TPTE2: variants seen among roughly 807,000 people sequenced by gnomAD.
The protein encoded by TPTE2 is transmembrane phosphoinositide 3-phosphatase and tensin homolog 2, also known as phosphatidylinositol 3,4,5-trisphosphate 3-phosphatase TPTE2.
Under a neutral mutation model 78.6 loss-of-function variants are expected in TPTE2, and 53 were observed. The observed-to-expected ratio is 0.67, with a 90% CI of 0.54 to 0.85. TPTE2 has a LOEUF of 0.85. Ranked by LOEUF, TPTE2 falls within the 40% of genes least tolerant of loss-of-function variation. TPTE2 has a pLI of 0.00. For synonymous variants in TPTE2, 175 were observed against 206.2 expected, an observed-to-expected ratio of 0.85 and a Z score of 1.30; for missense variants, 461 against 623.0, an observed-to-expected ratio of 0.74 and a Z score of 2.77.
At chr13:19,512,596 T>TG (rs398021741) in intron 1 of TPTE2, among the ~76,000 whole-genome samples, 1 of 151,790 alleles carries the variant, frequency 6.6e-6, no homozygotes, top group Non-Finnish European at 1.5e-5. Context: ...TTTTTTTTTT[T>TG]GAGACAGAGT....
rs1426655782 is a variant in TPTE2 at position 19,474,012 on chromosome 13, A to G, written c.294T>C (p.Thr98=). The G allele has an allele frequency of 1.9e-6, 3 of 1,609,876 alleles. No homozygotes were observed. The African/African-American group carries it at 4.0e-5, about 22-fold the overall frequency. ...CCAAAGGAATATAAAGTTTGCTGTCAGTGAAAATTAGGTCGGCAAGGAGGA... is the reference window on the plus strand; with the variant it reads ...CCAAAGGAATATAAAGTTTGCTGTCGGTGAAAATTAGGTCGGCAAGGAGGA... The change falls in exon 6 of 20, where the codon ACT becomes ACC. Residue 98 remains threonine (T), a synonymous_variant. Transcript: ENST00000400230.
At chr13:19,434,695 T>C (rs911209203) in intron 15 of TPTE2, among the ~76,000 whole-genome samples, 22 of 152,080 alleles carry the variant, frequency 1.4e-4, no homozygotes, top group African/African-American at 5.3e-4. Context: ...GTAGTTAGAG[T>C]GTTCTTCTAA....
rs796940315 is a variant in TPTE2 at position 19,430,669 on chromosome 13, T to C, written c.1223-122A>G. ...ATCCAAGCTAACAACGTATCAATAG[T>C]TACTTATTTGGTCTTGCATGGATTT... On this transcript the variant is annotated intron_variant, in intron 16 of 19. Coordinates refer to ENST00000400230, the Ensembl canonical transcript of TPTE2. 1.1e-5 allele frequency: 7 copies of C among 658,634 alleles called. No individual in the cohort carries two copies. The African/African-American group carries it at 1.3e-4, about 12-fold the overall frequency. The allele number at this position is 658,634 out of a possible 1,614,324, so 40.8% of individuals were successfully genotyped here. A position where few individuals can be genotyped will look rare whatever the true frequency, so the allele number is the denominator to read the frequency against.
intron 1 of TPTE2, among the ~76,000 whole-genome samples, chr13:19,521,172 G>A (rs1432059901): frequency 6.6e-6 from 1 of 151,964 alleles, no homozygotes; most frequent in Non-Finnish European, 1.5e-5. Context: ...CAATTGTCTA[G>A]CTATTAATGA....
intron 1 of TPTE2, among the ~76,000 whole-genome samples, chr13:19,533,237 T>C (rs959206777): frequency 3.9e-5 from 6 of 152,222 alleles, no homozygotes; most frequent in African/African-American, 1.4e-4. Context: ...CCCAGAGTCC[T>C]GTCTTCCTAG....
chr13:19,475,885 T>C (rs1299770475), intron 4 of TPTE2, among the ~76,000 whole-genome samples: 1 of 152,208 alleles, frequency 6.6e-6, no homozygotes, highest in Non-Finnish European at 1.5e-5. Flanking sequence ...CCCAACTTTA[T>C]GGCAATACTA....
intron 6 of TPTE2, among the ~76,000 whole-genome samples, chr13:19,470,213 G>GT (rs1387692061): frequency 1.3e-5 from 2 of 152,096 alleles, no homozygotes; most frequent in African/African-American, 4.8e-5. Context: ...TCTATACCCA[G>GT]TTTTTTTAGG....
intron 6 of TPTE2, among the ~76,000 whole-genome samples, 166 bp from the exon 10 acceptor site, chr13:19,467,510 T>C (rs1203845337): frequency 6.6e-6 from 1 of 152,190 alleles, no homozygotes; most frequent in African/African-American, 2.4e-5. Flanking sequence ...ATAACATTCA[T>C]GGGAAGTTTT....
At chr13:19,455,993 C>G (rs1185939990) in intron 10 of TPTE2, among the ~76,000 whole-genome samples, 2 of 152,046 alleles carry the variant, frequency 1.3e-5, no homozygotes, top group African/African-American at 4.8e-5. Context: ...GCAAGGTTGC[C>G]TCCTCTTACC....
At chr13:19,557,700 A>G in the TPTE2 span, among the ~76,000 whole-genome samples, 30 of 152,264 alleles carry the variant, frequency 2.0e-4, no homozygotes, top group South Asian at 6.2e-4. Context: ...CCACATTCCT[A>G]AGCAGGATCC....
the TPTE2 span, among the ~76,000 whole-genome samples, chr13:19,551,202 C>T: frequency 1.3e-5 from 2 of 152,194 alleles, no homozygotes; most frequent in Non-Finnish European, 2.9e-5. Context: ...TTTTACCTTA[C>T]CCTGATACCT....
intron 3 of TPTE2, among the ~76,000 whole-genome samples, chr13:19,492,155 G>A (rs987073142): frequency 2.6e-5 from 4 of 152,056 alleles, no homozygotes; most frequent in Admixed American, 1.3e-4. Context: ...ACATGACTGG[G>A]AAAACCCTCC....
At chr13:19,511,002 A>G (rs1421627083) in intron 1 of TPTE2, among the ~76,000 whole-genome samples, 1 of 152,224 alleles carries the variant, frequency 6.6e-6, no homozygotes, top group Non-Finnish European at 1.5e-5. Flanking sequence ...TGTAGGAACC[A>G]TCATGCATTA....
chr13:19,519,973 T>G (rs1870050664), intron 1 of TPTE2, among the ~76,000 whole-genome samples: 1 of 149,506 alleles, frequency 6.7e-6, no homozygotes, highest in Admixed American at 6.7e-5. Context: ...GTCTTACATT[T>G]CTTTTGTTTT....
the TPTE2 span, among the ~76,000 whole-genome samples, chr13:19,542,059 G>C: frequency 1.3e-5 from 2 of 152,014 alleles, no homozygotes; most frequent in Non-Finnish European, 2.9e-5. Flanking sequence ...TGAGTAATTT[G>C]CCCATGAAAT....
At chr13:19,506,956 T>A (rs894036050), upstream of TPTE2, among the ~76,000 whole-genome samples, 2 of 152,222 alleles carry the variant, frequency 1.3e-5, no homozygotes, top group Non-Finnish European at 2.9e-5. Context: ...TCTTGTGATC[T>A]ATTTATCTTG....
intron 15 of TPTE2, among the ~76,000 whole-genome samples, chr13:19,433,624 T>C (rs1876845292): frequency 6.6e-6 from 1 of 152,172 alleles, no homozygotes. Context: ...GGGCCAGTCA[T>C]GAGACAGGTT....
At chr13:19,547,432 G>A in the TPTE2 span, among the ~76,000 whole-genome samples, 1 of 152,110 alleles carries the variant, frequency 6.6e-6, no homozygotes, top group Non-Finnish European at 1.5e-5. Flanking sequence ...TAATCGGTTG[G>A]AGTGGGTCAA....
the TPTE2 span, among the ~76,000 whole-genome samples, chr13:19,555,803 CTTTTTTTTTTTTTTTTT>C: frequency 3.7e-5 from 3 of 81,056 alleles, no homozygotes; most frequent in South Asian, 1.6e-3. Flanking sequence ...CAACAAATTT[CTTTTTTTTTTTTTTTTT>C]TTTTTTTTTT....
Sources: gnomAD v4.1 joint callset for allele counts (sites outside exome capture counted in the v4.1 genomes callset) on GRCh38, gnomAD v4.1.1 for gene constraint, MANE v1.5 for transcripts, NCBI Gene and HGNC (gene_info 2026-07-23, HGNC 2026-07-21) for gene names.